The following RIMS2 variants were observed in gnomAD, a reference collection of about 807,000 sequenced individuals.
The protein encoded by RIMS2 is regulating synaptic membrane exocytosis 2.
In RIMS2, 59 loss-of-function variants were observed where a neutral mutation model predicts 174.4. The ratio of observed to expected loss-of-function variants is 0.34; its 90% CI spans 0.27 to 0.42. The LOEUF is 0.42. Among genes scored for constraint, RIMS2 ranks in the 10% least tolerant of loss-of-function variants. RIMS2 has a pLI of 1.00. For synonymous variants in RIMS2, 606 were observed against 572.5 expected, an observed-to-expected ratio of 1.06 and a Z score of -0.84; for missense variants, 1,620 against 1,666.3, an observed-to-expected ratio of 0.97 and a Z score of 0.48.
intron 19 of RIMS2, among the ~76,000 whole-genome samples, chr8:104,116,922 G>A (rs2098286865): frequency 6.6e-6 from 1 of 151,202 alleles, no homozygotes; most frequent in African/African-American, 2.4e-5. Context: ...GCATGAATTT[G>A]GAATAATTCT....
At chr8:103,529,844 T>A (rs1027505008) in intron 1 of RIMS2, among the ~76,000 whole-genome samples, 5 of 152,262 alleles carry the variant, frequency 3.3e-5, no homozygotes, top group African/African-American at 1.2e-4. Flanking sequence ...ACAATATTTT[T>A]AAATAAATAT....
At chr8:104,119,554 A>AT (rs1386792172) in intron 19 of RIMS2, among the ~76,000 whole-genome samples, 2 of 152,106 alleles carry the variant, frequency 1.3e-5, no homozygotes, top group African/African-American at 4.8e-5. Flanking sequence ...TAAAAGTAAG[A>AT]TTTTCTGAAT....
intron 3 of RIMS2, among the ~76,000 whole-genome samples, chr8:103,835,076 C>G (rs1593415876): frequency 6.7e-6 from 1 of 149,402 alleles, no homozygotes; most frequent in Non-Finnish European, 1.5e-5. Context: ...CTGGCCAAGA[C>G]TGAGTTTTCT....
At chr8:104,019,831 T>C (rs1399387046) in intron 19 of RIMS2, among the ~76,000 whole-genome samples, 1 of 152,176 alleles carries the variant, frequency 6.6e-6, no homozygotes, top group Non-Finnish European at 1.5e-5. Context: ...GTATCTCATA[T>C]AGTCCATACA....
chr8:104,054,278 G>A (rs1264871855), intron 19 of RIMS2, among the ~76,000 whole-genome samples: 2 of 151,964 alleles, frequency 1.3e-5, no homozygotes, highest in African/African-American at 4.8e-5. Flanking sequence ...TGAATTCTAA[G>A]GTAATGTTAC....
chr8:104,065,475 T>C (rs1224809192), intron 19 of RIMS2, among the ~76,000 whole-genome samples: 1 of 152,172 alleles, frequency 6.6e-6, no homozygotes, highest in African/African-American at 2.4e-5. Context: ...ATCACCTTGC[T>C]GGTGAAGAAT....
chr8:104,247,535 A>G (rs1253553872), intron 20 of RIMS2, among the ~76,000 whole-genome samples: 3 of 152,234 alleles, frequency 2.0e-5, no homozygotes, highest in Non-Finnish European at 4.4e-5. Context: ...TTAGGGCTTC[A>G]ACATAAGAAT....
intron 3 of RIMS2, among the ~76,000 whole-genome samples, chr8:103,852,620 A>G (rs1220165670): frequency 6.6e-6 from 1 of 151,850 alleles, no homozygotes; most frequent in Non-Finnish European, 1.5e-5. Flanking sequence ...ATGGGTGTTC[A>G]ATATTTAGCC....
intron 19 of RIMS2, among the ~76,000 whole-genome samples, chr8:104,030,192 A>C (rs1216476239): frequency 6.6e-6 from 1 of 152,182 alleles, no homozygotes; most frequent in Admixed American, 6.6e-5. Context: ...TATAGGGATT[A>C]AAATACACAT....
chr8:103,967,670 C>T (rs2092262717), intron 15 of RIMS2, among the ~76,000 whole-genome samples: 1 of 152,044 alleles, frequency 6.6e-6, no homozygotes, highest in African/African-American at 2.4e-5. Context: ...TCTCTATGCA[C>T]TTCTATTAGT....
intron 1 of RIMS2, among the ~76,000 whole-genome samples, chr8:103,550,508 G>A (rs1847255028): frequency 6.6e-6 from 1 of 152,152 alleles, no homozygotes; most frequent in South Asian, 2.1e-4. Flanking sequence ...AAGCAGGAAA[G>A]ATCTAAAATT....
chr8:104,195,069 A>G (rs1354986789), intron 19 of RIMS2, among the ~76,000 whole-genome samples: 1 of 152,236 alleles, frequency 6.6e-6, no homozygotes, highest in Non-Finnish European at 1.5e-5. Flanking sequence ...TGCCTTTTAA[A>G]TAGCTCATTC....
chr8:103,768,121 A>C (rs2098200156), intron 3 of RIMS2: 1 of 302,678 alleles, frequency 3.3e-6, no homozygotes, highest in South Asian at 3.3e-5. Flanking sequence ...TTCAGAGATC[A>C]AGAAAGTTCC....
At chr8:104,099,491 G>T (rs1163174355) in intron 19 of RIMS2, among the ~76,000 whole-genome samples, 1 of 152,108 alleles carries the variant, frequency 6.6e-6, no homozygotes, top group Non-Finnish European at 1.5e-5. Flanking sequence ...GGAACTTTTT[G>T]AAAGTACTTG....
chr8:104,227,674 G>T (rs1418372822), intron 19 of RIMS2, among the ~76,000 whole-genome samples: 4 of 152,146 alleles, frequency 2.6e-5, no homozygotes, highest in Non-Finnish European at 5.9e-5. Context: ...CTGGGTTAGT[G>T]ATTCTTGTTT....
intron 2 of RIMS2, among the ~76,000 whole-genome samples, chr8:103,722,969 G>A (rs117222177): frequency 0.011 from 1,739 of 152,138 alleles, 23 homozygotes; most frequent in South Asian, 0.049. Context: ...ACAATTAGCC[G>A]GGCATGGTGG....
intron 1 of RIMS2, among the ~76,000 whole-genome samples, chr8:103,693,190 A>G (rs1289204668): frequency 6.6e-6 from 1 of 152,066 alleles, no homozygotes; most frequent in East Asian, 1.9e-4. Flanking sequence ...AAAGTCCCAC[A>G]ATTACTAAAC....
At chr8:103,878,960 T>C (rs1297934371) in intron 3 of RIMS2, among the ~76,000 whole-genome samples, 2 of 151,892 alleles carry the variant, frequency 1.3e-5, no homozygotes, top group East Asian at 3.9e-4. Flanking sequence ...ACAATTATTC[T>C]CATGAAAACC....
At chr8:104,250,188 T>C (rs1042495110) in intron 22 of RIMS2, among the ~76,000 whole-genome samples, 7 of 152,306 alleles carry the variant, frequency 4.6e-5, no homozygotes, top group Admixed American at 3.3e-4. Flanking sequence ...TGTGTAGAGA[T>C]CGTTTGATAA....
Sources: gnomAD v4.1 joint callset for allele counts (sites outside exome capture counted in the v4.1 genomes callset) on GRCh38, gnomAD v4.1.1 for gene constraint, MANE v1.5 for transcripts, NCBI Gene and HGNC (gene_info 2026-07-23, HGNC 2026-07-21) for gene names.